Variants in MOB1B observed in about 807,000 individuals in gnomAD.
The protein encoded by MOB1B is MOB kinase activator 1B, also known as MOB1 Mps One Binder homolog B.
In MOB1B, 19 loss-of-function variants were observed where a neutral mutation model predicts 24.4. The observed-to-expected ratio is 0.78, with a 90% CI of 0.54 to 1.14. The LOEUF (loss-of-function observed/expected upper bound fraction) is 1.14. Among genes scored for constraint, MOB1B ranks in the 50% most tolerant of loss-of-function variants. MOB1B has a pLI of 0.00. For missense variants in MOB1B, 243 were observed against 259.6 expected, an observed-to-expected ratio of 0.94 and a Z score of 0.44; for synonymous variants, 76 against 82.1, an observed-to-expected ratio of 0.93 and a Z score of 0.40.
At chr4:70,922,783 C>A (rs1330332294) in intron 1 of MOB1B, among the ~76,000 whole-genome samples, 5 of 152,116 alleles carry the variant, frequency 3.3e-5, no homozygotes, top group Non-Finnish European at 7.3e-5. Context: ...TTTATGAGCA[C>A]TCTTACTTAT....
chr4:70,950,203 A>G (rs1737744947), intron 1 of MOB1B, among the ~76,000 whole-genome samples: 2 of 152,116 alleles, frequency 1.3e-5, no homozygotes, highest in South Asian at 4.1e-4. Context: ...TGGGAGGCTG[A>G]GATGGGCAGA....
chr4:70,925,017 T>C (rs1390359884), intron 1 of MOB1B, among the ~76,000 whole-genome samples: 2 of 152,166 alleles, frequency 1.3e-5, no homozygotes, highest in East Asian at 1.9e-4. Context: ...AAATTTGCTT[T>C]AGTTGAGCTC....
At chr4:70,920,856 C>T (rs1220986213) in intron 1 of MOB1B, among the ~76,000 whole-genome samples, 2 of 152,052 alleles carry the variant, frequency 1.3e-5, no homozygotes, top group Non-Finnish European at 2.9e-5. Context: ...TATCAGGAGG[C>T]CTAAAATCCA....
chr4:70,980,516 T>C (rs538496725), intron 5 of MOB1B, among the ~76,000 whole-genome samples: 50 of 152,288 alleles, frequency 3.3e-4, no homozygotes, highest in Middle Eastern at 3.4e-3. Context: ...TGTGAGCTTC[T>C]TAAAGGTAGG....
intron 5 of MOB1B, among the ~76,000 whole-genome samples, chr4:70,980,994 T>G (rs1303742028): frequency 1.3e-5 from 2 of 152,196 alleles, no homozygotes; most frequent in Non-Finnish European, 2.9e-5. Context: ...TACTTTCCAG[T>G]GCAGAATCCT....
intron 1 of MOB1B, among the ~76,000 whole-genome samples, chr4:70,957,360 A>AC (rs1738107118): frequency 6.6e-6 from 1 of 151,312 alleles, no homozygotes; most frequent in Non-Finnish European, 1.5e-5. Context: ...AGAATAATGG[A>AC]CAGGGGTGAC....
At chr4:70,977,267 C>T (rs1739045011) in intron 4 of MOB1B, among the ~76,000 whole-genome samples, 1 of 152,040 alleles carries the variant, frequency 6.6e-6, no homozygotes, top group South Asian at 2.1e-4. Context: ...GCACTTTAGT[C>T]ATTTTTGGTT....
intron 2 of MOB1B, among the ~76,000 whole-genome samples, chr4:70,960,690 A>G (rs1738269144): frequency 6.6e-6 from 1 of 152,192 alleles, no homozygotes; most frequent in Non-Finnish European, 1.5e-5. Flanking sequence ...TTTGAAATAA[A>G]GTGATTTGTT....
intron 1 of MOB1B, among the ~76,000 whole-genome samples, chr4:70,923,903 C>T (rs533883392): frequency 1.2e-4 from 17 of 136,552 alleles, no homozygotes; most frequent in Non-Finnish European, 2.6e-4. Flanking sequence ...GCCGAGATCG[C>T]ACCACTGCAC....
upstream of MOB1B, among the ~76,000 whole-genome samples, chr4:70,902,032 C>G (rs961048057): frequency 3.9e-5 from 6 of 152,188 alleles, no homozygotes; most frequent in African/African-American, 1.4e-4. Context: ...TTGACATCCC[C>G]GAGCTGAAGC....
At chr4:70,913,679 A>G (rs1308174312) in intron 1 of MOB1B, among the ~76,000 whole-genome samples, 1 of 152,000 alleles carries the variant, frequency 6.6e-6, no homozygotes, top group Non-Finnish European at 1.5e-5. Context: ...CCTTTGATTA[A>G]TGTGTTTGCC....
chr4:70,959,526 T>C (rs1738211920), intron 2 of MOB1B, among the ~76,000 whole-genome samples: 1 of 152,248 alleles, frequency 6.6e-6, no homozygotes, highest in Non-Finnish European at 1.5e-5. Context: ...TGTTATTTTA[T>C]TTCTGAATAT....
intron 1 of MOB1B, among the ~76,000 whole-genome samples, chr4:70,925,062 G>C (rs1736594774): frequency 6.6e-6 from 1 of 151,540 alleles, no homozygotes; most frequent in Non-Finnish European, 1.5e-5. Flanking sequence ...TTATTTTTTT[G>C]AGATGGAGTC....
intron 1 of MOB1B, among the ~76,000 whole-genome samples, chr4:70,919,963 A>C (rs1391380694): frequency 6.6e-6 from 1 of 152,200 alleles, no homozygotes; most frequent in African/African-American, 2.4e-5. Context: ...CAAGTTAAAC[A>C]ATTTTCAAAA....
intron 5 of MOB1B, 101 bp from the exon 6 acceptor site, chr4:70,981,879 C>A: frequency 1.3e-6 from 1 of 796,092 alleles, no homozygotes; most frequent in Non-Finnish European, 2.1e-6. Flanking sequence ...TTATGTACTT[C>A]AAAAGCTAAT....
chr4:70,941,263 T>C (rs1022443344), intron 1 of MOB1B, among the ~76,000 whole-genome samples: 2 of 152,118 alleles, frequency 1.3e-5, no homozygotes, highest in Non-Finnish European at 2.9e-5. Context: ...ACATGAAATA[T>C]GTTCTCAGTA....
At position 70,982,218 on chromosome 4, in the gene MOB1B, A is replaced by G; in HGVS notation, c.*161A>G. The G allele has an allele frequency of 1.9e-6, 1 of 524,074 alleles. No homozygotes were observed. Among genetic ancestry groups the G allele is most frequent in the South Asian group, 2.8e-5 (1 of 35,262 alleles). The allele number at this position is 524,074 out of a possible 1,614,324, so 32.5% of individuals were successfully genotyped here. On this transcript the variant is annotated 3_prime_UTR_variant, in exon 6 of 6. Transcript: ENST00000309395. ...CTTTATTCTGATTATGTGAAACCAT[A>G]TTCTATTGCTAGGGGAAGCCAAGAA...
At chr4:70,946,438 C>T (rs901114853) in intron 1 of MOB1B, among the ~76,000 whole-genome samples, 5 of 151,896 alleles carry the variant, frequency 3.3e-5, no homozygotes, top group Non-Finnish European at 5.9e-5. Flanking sequence ...TCGTAACCCA[C>T]GATCTAGTGA....
At chr4:70,904,594 A>G (rs1335475643) in intron 1 of MOB1B, among the ~76,000 whole-genome samples, 1 of 151,844 alleles carries the variant, frequency 6.6e-6, no homozygotes, top group Non-Finnish European at 1.5e-5. Context: ...CCCCGTCTCT[A>G]CTAAAAATAC....
Sources: gnomAD v4.1 joint callset for allele counts (sites outside exome capture counted in the v4.1 genomes callset) on GRCh38, gnomAD v4.1.1 for gene constraint, MANE v1.5 for transcripts, NCBI Gene and HGNC (gene_info 2026-07-23, HGNC 2026-07-21) for gene names.